The following FAM178B variants were observed in gnomAD, a reference collection of about 807,000 sequenced individuals.
FAM178B encodes the protein protein FAM178B.
In FAM178B, 82 loss-of-function variants were observed where a neutral mutation model predicts 91.7. The ratio of observed to expected loss-of-function variants is 0.89; its 90% confidence interval spans 0.75 to 1.07. The LOEUF is 1.07. Ranked by LOEUF, FAM178B falls within the 50% of genes least tolerant of loss-of-function variation. The probability of loss-of-function intolerance (pLI) is 0.00; values close to 1 mark genes in which losing one functional copy is unlikely to be tolerated. For synonymous variants in FAM178B, 368 were observed against 359.4 expected (o/e 1.02, Z -0.27); for missense variants, 769 against 846.7 (o/e 0.91, Z 1.14).
intron 4 of FAM178B, among the ~76,000 whole-genome samples, chr2:96,969,431 G>A (rs551133422): frequency 6.2e-4 from 94 of 152,238 alleles, no homozygotes; most frequent in Admixed American, 1.2e-3. Context: ...ACCAGGAACC[G>A]ACTGACCAGA....
rs1205278938 is a variant in FAM178B, at chr2:96,893,791, T to C, written c.1776+135A>G. 3 of 1,103,700 alleles carry C rather than the reference T, an allele frequency of 2.7e-6. No individual in the cohort carries two copies. In the African/African-American group the frequency reaches 4.8e-5, roughly 18 times the overall value. 68.4% of individuals were successfully genotyped at this position (1,103,700 alleles called of 1,614,324 possible). A position where few individuals can be genotyped will look rare whatever the true frequency, so the allele number is the denominator to read the frequency against. ...TGCTCAACACAGGGAGGCAGCCTGTTGGTCTCTGCCCTGGCATGGCCCTGG... is the reference window on the plus strand; with the variant it reads ...TGCTCAACACAGGGAGGCAGCCTGTCGGTCTCTGCCCTGGCATGGCCCTGG... On this transcript the variant is annotated intron_variant, in intron 14 of 16. Coordinates refer to ENST00000490605, the MANE Select transcript of FAM178B (RefSeq NM_001122646.3).
chr2:96,923,504 C>T lies in FAM178B; in HGVS notation c.1273G>A (p.Gly425Ser), dbSNP rs752764716. The change falls in exon 10 of 17, where the codon GGC (glycine) becomes AGC (serine). Residue 425 changes from glycine (G) to serine (S), a missense_variant. Gly to Ser is a moderately conservative substitution (Grantham distance 56). Transcript: ENST00000490605. ...GCTTGACTCACCTTGTAGATGTGGCCCAGGCTGATGTCCAAGGCAATCTCT... is the reference window on the plus strand; with the variant it reads ...GCTTGACTCACCTTGTAGATGTGGCTCAGGCTGATGTCCAAGGCAATCTCT... ...PQEIALDISLGHIYKFLALCA... is the reference protein window; with the variant it reads ...PQEIALDISLSHIYKFLALCA... 21 of 1,551,516 alleles carry T rather than the reference C, an allele frequency of 1.4e-5. No homozygotes were observed. The African/African-American group carries it at 2.6e-4, about 19-fold the overall frequency.
intron 12 of FAM178B, among the ~76,000 whole-genome samples, chr2:96,918,758 G>A (rs1213042307): frequency 6.6e-6 from 1 of 152,180 alleles, no homozygotes; most frequent in Non-Finnish European, 1.5e-5. Flanking sequence ...AGAAAAGAAA[G>A]AAATGAAATC....
At chr2:96,966,664 C>T (rs535713418) in intron 5 of FAM178B, among the ~76,000 whole-genome samples, 2 of 152,170 alleles carry the variant, frequency 1.3e-5, no homozygotes, top group African/African-American at 2.4e-5. Flanking sequence ...TGTTTGTGTC[C>T]CCCCAAAATA....
chr2:96,977,950 C>CGGGGGAGGGGG, intron 1 of FAM178B: 1 of 229,316 alleles, frequency 4.4e-6, no homozygotes, highest in South Asian at 3.4e-5. Context: ...GTGGGGCGGG[C>CGGGGGAGGGGG]GGGGGAGGGG....
At chr2:96,885,849 G>C (rs1325873876) in intron 14 of FAM178B, among the ~76,000 whole-genome samples, 2 of 152,196 alleles carry the variant, frequency 1.3e-5, no homozygotes. Context: ...GATTCTCGGT[G>C]CCTATGTGTA....
intron 12 of FAM178B, among the ~76,000 whole-genome samples, chr2:96,908,262 C>G (rs962343457): frequency 2.0e-5 from 3 of 152,206 alleles, no homozygotes; most frequent in Non-Finnish European, 4.4e-5. Flanking sequence ...ACGAGTGGAC[C>G]ACCACAGGGC....
chr2:96,898,191 G>T, intron 13 of FAM178B: 1 of 892,030 alleles, frequency 1.1e-6, no homozygotes, highest in Non-Finnish European at 1.3e-6. Context: ...CACTGATGAG[G>T]AAAGGGAGGG....
chr2:96,977,977 G>A lies in FAM178B; in HGVS notation c.74-5371C>T, dbSNP rs1422730105. ...GGGGAGGGGGGCGACCGGCAAGAGG[G>A]AGCACTTTGAAGTCCATCAGAGGAG... On this transcript the variant is annotated intron_variant, in intron 1 of 16. Coordinates refer to ENST00000490605, the MANE Select transcript of FAM178B (RefSeq NM_001122646.3). 7 of 449,402 alleles carry A rather than the reference G, an allele frequency of 1.6e-5. No homozygotes were observed. In the East Asian group the frequency reaches 2.8e-4, roughly 18 times the overall value. 27.8% of individuals were successfully genotyped at this position (449,402 alleles called of 1,614,324 possible).
At chr2:96,949,976 T>C in intron 7 of FAM178B, 5 of 985,606 alleles carry the variant, frequency 5.1e-6, no homozygotes, top group Non-Finnish European at 6.0e-6. Context: ...ACCAAGTCTG[T>C]CTGTCTGACC....
chr2:96,977,955 G>GAGGGGGGGGGGGA, intron 1 of FAM178B: 1 of 430,350 alleles, frequency 2.3e-6, no homozygotes, highest in Non-Finnish European at 4.7e-6. Context: ...GCGGGCGGGG[G>GAGGGGGGGGGGGA]AGGGGGGCGA....
chr2:96,877,972 G>A lies in FAM178B; in HGVS notation c.1925C>T (p.Ala642Val). The A allele has an allele frequency of 1.2e-6, 2 of 1,613,688 alleles. No individual in the cohort carries two copies. The highest frequency in any genetic ancestry group is 4.5e-5 in the East Asian group (2 of 44,886). Residue 642 changes from alanine to valine, a missense_variant, in exon 16 of 17, where the codon GCC becomes GTC. Transcript: ENST00000490605. ...GTCCTTGAGCATGGTGCGGTGCATGGCCTGGGGGCTCTCCCGGATCTGCGT... is the reference window on the plus strand; with the variant it reads ...GTCCTTGAGCATGGTGCGGTGCATGACCTGGGGGCTCTCCCGGATCTGCGT... ...ISTQIRESPQ[A>V]MHRTMLKDLA...
intron 15 of FAM178B, 68 bp downstream of exon 15, chr2:96,878,348 C>A (rs2080297605): frequency 6.8e-7 from 1 of 1,478,614 alleles, no homozygotes; most frequent in Non-Finnish European, 9.4e-7. Context: ...CCCAGCCAAC[C>A]CCCGCCGCTT....
rs1290032255 is a variant in FAM178B at position 96,971,911 on chromosome 2, G to A, written c.554C>T (p.Ala185Val). The change falls in exon 3 of 17, where the codon GCG (alanine) becomes GTG (valine). Residue 185 changes from alanine to valine, a missense_variant. Transcript: ENST00000490605. ...WNTSGLSQQAAAPEFSWGGSG... is the reference protein window; with the variant it reads ...WNTSGLSQQAVAPEFSWGGSG... ...TGGACACAGGCTCACCTCTGGGGCC[G>A]CAGCCTGCTGGCTCAGGCCTGACGT... is the stretch of plus-strand genomic sequence containing the variant. 36 of 1,493,828 alleles carry A rather than the reference G, an allele frequency of 2.4e-5. 2 individuals are homozygous for A. The highest frequency in any genetic ancestry group is 1.7e-4 in the African/African-American group (12 of 71,302). The allele number at this position is 1,493,828 out of a possible 1,614,324, so 92.5% of individuals were successfully genotyped here. A position where few individuals can be genotyped will look rare whatever the true frequency, so the allele number is the denominator to read the frequency against.
chr2:96,967,587 G>A lies in FAM178B; in HGVS notation c.667C>T (p.Gln223Ter). ...LEQERERLLL[Q>*]ECLNLNSLDL... ...AAGGAGTTGAGATTGAGACACTCCTGCAGAAGCAGCCTCTCTCGCTCCTGC... is the reference window on the plus strand; with the variant it reads ...AAGGAGTTGAGATTGAGACACTCCTACAGAAGCAGCCTCTCTCGCTCCTGC... Residue 223 changes from glutamine (Q) to a stop codon, truncating the protein, a stop_gained, in exon 5 of 17, where the codon CAG becomes TAG. Coordinates refer to ENST00000490605, the MANE Select transcript of FAM178B (RefSeq NM_001122646.3). LOFTEE classifies it high-confidence loss of function. 1 of 1,550,456 alleles carries A rather than the reference G, an allele frequency of 6.4e-7. No homozygotes were observed. Among genetic ancestry groups the A allele is most frequent in the East Asian group, 2.4e-5 (1 of 40,912 alleles).
intron 12 of FAM178B, among the ~76,000 whole-genome samples, chr2:96,908,280 G>A (rs558496557): frequency 1.3e-5 from 2 of 152,360 alleles, no homozygotes; most frequent in South Asian, 4.1e-4. Context: ...GGCAACATGA[G>A]GAACCCGTCT....
intron 8 of FAM178B, among the ~76,000 whole-genome samples, chr2:96,947,036 G>A (rs2081840973): frequency 1.3e-5 from 2 of 152,224 alleles, no homozygotes; most frequent in East Asian, 1.9e-4. Flanking sequence ...TTCTTGCTCT[G>A]GGGTGAGCAG....
intron 12 of FAM178B, among the ~76,000 whole-genome samples, chr2:96,910,298 T>A (rs1437542896): frequency 6.6e-6 from 1 of 152,100 alleles, no homozygotes; most frequent in Non-Finnish European, 1.5e-5. Flanking sequence ...CCCAACTTCA[T>A]GTCTCCCAGG....
chr2:96,877,946 G>A lies in FAM178B; in HGVS notation c.1951C>T (p.Leu651=). 6.2e-7 allele frequency: 1 copy of A among 1,613,914 alleles called. No homozygotes were observed. The change falls in exon 16 of 17, where the codon CTG becomes TTG. Residue 651 remains leucine, a synonymous_variant. Transcript: ENST00000490605. ...CAACGGATGTAGGTCTGGGTAGCCA[G>A]GTCCTTGAGCATGGTGCGGTGCATG... The part of the protein sequence containing the change: ...QAMHRTMLKD[L]ATQTYIRWQE...
Sources: gnomAD v4.1 joint callset for allele counts (sites outside exome capture counted in the v4.1 genomes callset) on GRCh38, gnomAD v4.1.1 for gene constraint, MANE v1.5 for transcripts, NCBI Gene and HGNC (gene_info 2026-07-23, HGNC 2026-07-21) for gene names.